Variants in WDR7 observed in about 807,000 individuals in gnomAD.
WDR7 encodes the protein WD repeat-containing protein 7.
WDR7 carries 46 observed loss-of-function variants against 169.4 expected under a neutral mutation model. The ratio of observed to expected loss-of-function variants is 0.27; its 90% CI spans 0.21 to 0.35. WDR7 has a LOEUF of 0.35. WDR7 is among the 10% of genes least tolerant of loss of function. The pLI, the probability that WDR7 is intolerant of heterozygous loss-of-function variation, is 1.00. For synonymous variants in WDR7, 612 were observed against 666.8 expected (o/e 0.92, Z 1.27); for missense variants, 1,534 against 1,859.3 (o/e 0.83, Z 3.22).
intron 27 of WDR7, among the ~76,000 whole-genome samples, chr18:57,024,242 A>G (rs2048326827): frequency 6.6e-6 from 1 of 152,168 alleles, no homozygotes; most frequent in Non-Finnish European, 1.5e-5. Context: ...ATAATTCCAC[A>G]TAGTTTGCAT....
intron 21 of WDR7, among the ~76,000 whole-genome samples, chr18:56,917,765 A>G (rs1461323853): frequency 6.6e-6 from 1 of 152,204 alleles, no homozygotes; most frequent in African/African-American, 2.4e-5. Flanking sequence ...TCTCTGCCTC[A>G]GTCCTTTTCT....
intron 21 of WDR7, among the ~76,000 whole-genome samples, chr18:56,904,024 T>C (rs910934446): frequency 6.6e-6 from 1 of 152,120 alleles, no homozygotes; most frequent in Non-Finnish European, 1.5e-5. Flanking sequence ...GTTGATGGAT[T>C]GATAAATTTG....
intron 26 of WDR7, among the ~76,000 whole-genome samples, chr18:57,005,875 A>C (rs899370973): frequency 6.6e-6 from 1 of 152,218 alleles, no homozygotes; most frequent in East Asian, 1.9e-4. Context: ...CCACATTCAA[A>C]GCCATCCTGG....
At chr18:56,830,984 C>T (rs942387026) in intron 20 of WDR7, among the ~76,000 whole-genome samples, 1 of 152,208 alleles carries the variant, frequency 6.6e-6, no homozygotes, top group African/African-American at 2.4e-5. Flanking sequence ...GGTATTCACT[C>T]TGTGCAGCTT....
In WDR7 at chr18:56,779,539, G is replaced by A. The variant is rs757369706; in HGVS notation, c.3056G>A (p.Arg1019Gln). ...LEMLARRWQDRCLEVREAAQA... is the reference protein window; with the variant it reads ...LEMLARRWQDQCLEVREAAQA... Reference sequence around the variant, plus strand: ...ATGCTGGCCCGAAGATGGCAAGATCGATGCTTGGAGGTAATGCTAAAGTGA... The same window carrying A: ...ATGCTGGCCCGAAGATGGCAAGATCAATGCTTGGAGGTAATGCTAAAGTGA... The change falls in exon 18 of 28, where the codon CGA becomes CAA. Residue 1019 changes from arginine to glutamine, a missense_variant. Transcript: ENST00000254442. The A allele has an allele frequency of 6.2e-7, 1 of 1,613,070 alleles. No individual in the cohort carries two copies. Among genetic ancestry groups the A allele is most frequent in the Non-Finnish European group, 8.5e-7 (1 of 1,179,394 alleles).
At position 56,731,532 on chromosome 18, in the gene WDR7, A is replaced by C. The variant is rs1384747282; in HGVS notation, c.1924A>C (p.Asn642His). 9.3e-6 allele frequency: 15 copies of C among 1,614,010 alleles called. No individual in the cohort carries two copies. Among genetic ancestry groups the C allele is most frequent in the African/African-American group, 2.7e-5 (2 of 74,920 alleles). ...MTRRSLAALK[N>H]MAHHKLQTLA... Reference sequence around the variant, plus strand: ...GAGACGTAGTCTTGCTGCTCTTAAAAATATGGCCCATCATAAGCTACAAAC... The same window carrying C: ...GAGACGTAGTCTTGCTGCTCTTAAACATATGGCCCATCATAAGCTACAAAC... Residue 642 changes from asparagine (N) to histidine (H), a missense_variant, in exon 14 of 28, where the codon AAT becomes CAT. Asn to His is a moderately conservative substitution (Grantham distance 68). Coordinates refer to ENST00000254442, the MANE Select transcript of WDR7 (RefSeq NM_015285.3).
intron 25 of WDR7, among the ~76,000 whole-genome samples, chr18:56,951,562 T>C (rs2145738596): frequency 6.6e-6 from 1 of 152,312 alleles, no homozygotes; most frequent in South Asian, 2.1e-4. Context: ...TGAAACAAAA[T>C]TCTCAAAGAT....
chr18:56,844,495 A>G (rs2045538853), intron 20 of WDR7, among the ~76,000 whole-genome samples: 1 of 152,192 alleles, frequency 6.6e-6, no homozygotes, highest in South Asian at 2.1e-4. Flanking sequence ...TAGACTCTAA[A>G]TTGAAATAAA....
chr18:56,880,571 TC>T (rs2046092985), intron 21 of WDR7, among the ~76,000 whole-genome samples: 1 of 152,176 alleles, frequency 6.6e-6, no homozygotes, highest in African/African-American at 2.4e-5. Flanking sequence ...GAAAATATAT[TC>T]ATTCTCCTTT....
At chr18:56,943,037 G>A (rs1267845114) in intron 25 of WDR7, among the ~76,000 whole-genome samples, 1 of 152,160 alleles carries the variant, frequency 6.6e-6, no homozygotes, top group Non-Finnish European at 1.5e-5. Context: ...GGACTTCAGA[G>A]AACACTAAGC....
intron 21 of WDR7, among the ~76,000 whole-genome samples, chr18:56,883,983 A>C (rs1390705693): frequency 2.0e-5 from 3 of 152,116 alleles, no homozygotes; most frequent in Non-Finnish European, 4.4e-5. Context: ...TGGGTGTGCA[A>C]GTATCTTATT....
intron 20 of WDR7, among the ~76,000 whole-genome samples, chr18:56,822,799 A>G (rs1447729739): frequency 2.6e-5 from 4 of 152,164 alleles, no homozygotes; most frequent in Non-Finnish European, 5.9e-5. Flanking sequence ...TACTAAAGCT[A>G]TGGTTTTTGT....
intron 24 of WDR7, 128 bp downstream of exon 24, chr18:56,938,810 T>TGA: frequency 1.6e-6 from 1 of 632,920 alleles, no homozygotes; most frequent in East Asian, 3.9e-5. Flanking sequence ...AAAGAATGAG[T>TGA]GTGTGTGTGT....
At chr18:56,696,536 A>G in intron 12 of WDR7, 74 bp downstream of exon 12, 1 of 1,200,326 alleles carries the variant, frequency 8.3e-7, no homozygotes, top group South Asian at 1.5e-5. Flanking sequence ...ATGTAAATGG[A>G]ATCTAGACTA....
At chr18:56,755,422 G>A (rs969401127) in intron 14 of WDR7, among the ~76,000 whole-genome samples, 2 of 152,150 alleles carry the variant, frequency 1.3e-5, no homozygotes, top group African/African-American at 4.8e-5. Context: ...TTCTGTGGAG[G>A]TCACATATGT....
intron 21 of WDR7, among the ~76,000 whole-genome samples, chr18:56,893,725 A>G (rs1382128860): frequency 6.6e-6 from 1 of 152,028 alleles, no homozygotes; most frequent in Non-Finnish European, 1.5e-5. Flanking sequence ...TTTGGTTTTT[A>G]AATTATATTC....
intron 21 of WDR7, among the ~76,000 whole-genome samples, chr18:56,905,077 T>C (rs1332803450): frequency 6.6e-6 from 1 of 152,184 alleles, no homozygotes; most frequent in East Asian, 1.9e-4. Context: ...AAGGAGTATC[T>C]TACCTGAAAC....
intron 26 of WDR7, among the ~76,000 whole-genome samples, chr18:57,016,373 G>A (rs115679410): frequency 0.015 from 2,287 of 152,108 alleles, 71 homozygotes; most frequent in African/African-American, 0.052. Context: ...ACCTACTTTT[G>A]GAAATCTCGT....
At chr18:56,834,899 A>G (rs1191124385) in intron 20 of WDR7, among the ~76,000 whole-genome samples, 1 of 152,108 alleles carries the variant, frequency 6.6e-6, no homozygotes, top group African/African-American at 2.4e-5. Context: ...TTTTCAGTGC[A>G]TTAGTTATTT....
Sources: allele counts gnomAD v4.1 joint callset (sites outside exome capture counted in the v4.1 genomes callset), GRCh38; gene constraint gnomAD v4.1.1; transcripts MANE v1.5; gene names NCBI Gene and HGNC (gene_info 2026-07-23, HGNC 2026-07-21).